The following XKR6 variants were observed in gnomAD, a reference collection of about 807,000 sequenced individuals.
XKR6 encodes XK related 6.
XKR6 carries 22 observed loss-of-function variants against 56.7 expected under a neutral mutation model. That is an observed-to-expected ratio of 0.39 (90% CI 0.28 to 0.55). XKR6 has a LOEUF of 0.55. Ranked by LOEUF, XKR6 falls within the 20% of genes least tolerant of loss-of-function variation. XKR6 has a pLI of 0.66. For missense variants in XKR6, 852 were observed against 889.0 expected (o/e 0.96, Z 0.53); for synonymous variants, 524 against 387.8 (o/e 1.35, Z -4.13).
chr8:11,065,464 C>T (rs764738219), intron 1 of XKR6, among the ~76,000 whole-genome samples: 8 of 152,326 alleles, frequency 5.3e-5, no homozygotes, highest in South Asian at 2.1e-4. Context: ...TTGGATGCAA[C>T]GTTTCCCAGG....
At chr8:11,052,780 G>A (rs1464724623) in intron 1 of XKR6, among the ~76,000 whole-genome samples, 6 of 140,086 alleles carry the variant, frequency 4.3e-5, no homozygotes, top group African/African-American at 1.3e-4. Flanking sequence ...AGCACACTCC[G>A]GGAAAGCTTG....
chr8:11,131,757 G>C (rs1397288246), intron 1 of XKR6, among the ~76,000 whole-genome samples: 2 of 152,106 alleles, frequency 1.3e-5, no homozygotes, highest in Non-Finnish European at 2.9e-5. Context: ...TCTATGTTTA[G>C]ATAGGTTAGA....
intron 1 of XKR6, among the ~76,000 whole-genome samples, chr8:10,930,066 G>T (rs1213324936): frequency 1.3e-5 from 2 of 150,016 alleles, no homozygotes; most frequent in Non-Finnish European, 3.0e-5. Flanking sequence ...CGTCAGTCAT[G>T]GTTCAGGAAA....
chr8:10,996,327 G>C (rs7836720), intron 1 of XKR6, among the ~76,000 whole-genome samples: 71,833 of 151,996 alleles, frequency 0.47, 21,521 homozygotes, highest in African/African-American at 0.85. Flanking sequence ...TCTCCTCCTT[G>C]TTCAGTAATT....
chr8:10,938,962 A>G (rs7005884), intron 1 of XKR6, among the ~76,000 whole-genome samples: 78,209 of 152,074 alleles, frequency 0.51, 21,345 homozygotes, highest in African/African-American at 0.6. Context: ...TTAGAGGCCC[A>G]TAAAAGTGAG....
chr8:11,188,447 G>A (rs888214998), intron 1 of XKR6, among the ~76,000 whole-genome samples: 2 of 152,142 alleles, frequency 1.3e-5, no homozygotes, highest in Admixed American at 1.3e-4. Context: ...TGTTTCATCT[G>A]CAAACTGAGT....
intron 1 of XKR6, among the ~76,000 whole-genome samples, chr8:11,179,176 T>C (rs554323054): frequency 2.0e-5 from 3 of 152,018 alleles, no homozygotes; most frequent in Non-Finnish European, 4.4e-5. Context: ...TAATTCATTT[T>C]GATTGGTTTC....
At chr8:11,071,988 G>A (rs996154960) in intron 1 of XKR6, among the ~76,000 whole-genome samples, 1 of 152,088 alleles carries the variant, frequency 6.6e-6, no homozygotes, top group Non-Finnish European at 1.5e-5. Context: ...ACACAGCCAA[G>A]ATAAATACAT....
At chr8:11,161,093 G>C (rs528474349) in intron 1 of XKR6, among the ~76,000 whole-genome samples, 5 of 152,190 alleles carry the variant, frequency 3.3e-5, no homozygotes, top group Admixed American at 6.5e-5. Context: ...AAGAGGACTT[G>C]TTAAAACATC....
At chr8:11,181,424 A>G (rs568034992) in intron 1 of XKR6, among the ~76,000 whole-genome samples, 10 of 152,232 alleles carry the variant, frequency 6.6e-5, no homozygotes, top group Non-Finnish European at 1.3e-4. Flanking sequence ...TTATACAAGC[A>G]TATTATCAAC....
intron 1 of XKR6, among the ~76,000 whole-genome samples, chr8:11,129,647 C>T (rs983982403): frequency 1.3e-5 from 2 of 152,160 alleles, no homozygotes; most frequent in Non-Finnish European, 2.9e-5. Context: ...GTGTCAGACA[C>T]TTTAAATGTT....
chr8:11,008,113 C>G (rs149479261), intron 1 of XKR6, among the ~76,000 whole-genome samples: 21 of 152,298 alleles, frequency 1.4e-4, no homozygotes, highest in African/African-American at 4.8e-4. Flanking sequence ...AAGGCTGCCA[C>G]GTTTACTCTT....
At chr8:11,090,648 A>C (rs1048738123) in intron 1 of XKR6, among the ~76,000 whole-genome samples, 4 of 152,200 alleles carry the variant, frequency 2.6e-5, no homozygotes, top group African/African-American at 9.7e-5. Flanking sequence ...AAGGTTGAAC[A>C]TCTTTTTATA....
intron 1 of XKR6, among the ~76,000 whole-genome samples, chr8:11,011,336 G>T (rs1172404413): frequency 6.6e-6 from 1 of 152,222 alleles, no homozygotes; most frequent in Non-Finnish European, 1.5e-5. Context: ...CTTCCCGGGG[G>T]AGGTGGCATC....
chr8:11,008,761 A>T (rs974843837), intron 1 of XKR6, among the ~76,000 whole-genome samples: 6 of 152,004 alleles, frequency 3.9e-5, no homozygotes, highest in African/African-American at 1.4e-4. Context: ...GTCTGGGCTG[A>T]GTGCTTCCAG....
At chr8:10,973,116 G>A (rs1010227496) in intron 1 of XKR6, among the ~76,000 whole-genome samples, 1 of 152,212 alleles carries the variant, frequency 6.6e-6, no homozygotes, top group Non-Finnish European at 1.5e-5. Context: ...AATGTTCCCT[G>A]AGAACACGCA....
At chr8:10,931,875 T>A (rs1801061710) in intron 1 of XKR6, among the ~76,000 whole-genome samples, 1 of 151,900 alleles carries the variant, frequency 6.6e-6, no homozygotes, top group Non-Finnish European at 1.5e-5. Context: ...GCTTTTGCTC[T>A]GTGAATGACA....
chr8:10,960,255 G>T (rs548251436), intron 1 of XKR6, among the ~76,000 whole-genome samples: 1 of 151,504 alleles, frequency 6.6e-6, no homozygotes, highest in African/African-American at 2.4e-5. Context: ...GTAGGTGCAG[G>T]TATAGCAGGT....
intron 1 of XKR6, among the ~76,000 whole-genome samples, chr8:10,937,836 G>T (rs1371392782): frequency 2.0e-5 from 3 of 151,962 alleles, no homozygotes; most frequent in Non-Finnish European, 4.4e-5. Flanking sequence ...AGTCTGCAGA[G>T]ATTACTGCTG....
Sources: allele counts gnomAD v4.1 joint callset (sites outside exome capture counted in the v4.1 genomes callset), GRCh38; gene constraint gnomAD v4.1.1; transcripts MANE v1.5; gene names NCBI Gene and HGNC (gene_info 2026-07-23, HGNC 2026-07-21).